Variants in ZFR2 observed in about 807,000 individuals in gnomAD.
The protein encoded by ZFR2 is zinc finger RNA binding protein 2, also known as zinc finger RNA-binding protein 2.
ZFR2 carries 104 observed loss-of-function variants against 105.7 expected under a neutral mutation model. The observed-to-expected ratio is 0.98, with a 90% CI of 0.84 to 1.16. The LOEUF is 1.16. Ranked by LOEUF, ZFR2 falls within the 50% of genes most tolerant of loss-of-function variation. The probability of loss-of-function intolerance (pLI) is 0.00; values close to 1 mark genes in which losing one functional copy is unlikely to be tolerated. For missense variants in ZFR2, 1,425 were observed against 1,355.5 expected (o/e 1.05, Z -0.80); for synonymous variants, 634 against 597.7 (o/e 1.06, Z -0.89).
intron 1 of ZFR2, among the ~76,000 whole-genome samples, chr19:3,865,485 G>A (rs1394522549): frequency 1.3e-5 from 2 of 151,710 alleles, no homozygotes; most frequent in African/African-American, 4.8e-5. Context: ...AAGCAGCTGG[G>A]GACTATAGGT....
chr19:3,817,533 T>G (rs963174167), intron 12 of ZFR2, among the ~76,000 whole-genome samples: 2 of 149,452 alleles, frequency 1.3e-5, no homozygotes, highest in African/African-American at 4.9e-5. Flanking sequence ...AACTCCAGTT[T>G]GGGAGACAGA....
Position 3,833,793 on chromosome 19 carries a change from C to A in ZFR2, c.265-15G>T. 6.4e-7 allele frequency: 1 copy of A among 1,556,672 alleles called. No individual in the cohort carries two copies. The highest frequency in any genetic ancestry group is 8.7e-7 in the Non-Finnish European group (1 of 1,148,824). On this transcript the variant is annotated splice_polypyrimidine_tract_variant and intron_variant, in intron 2 of 18. Coordinates refer to ENST00000262961, the MANE Select transcript of ZFR2 (RefSeq NM_015174.2). ...CTGTAACTGTCCTATGTGGGGGTTT[C>A]GGCAGGAGAGAGACAGAGAACGGAG... is the stretch of plus-strand genomic sequence containing the variant.
At position 3,825,476 on chromosome 19, in the gene ZFR2, G is replaced by A; in HGVS notation, c.1036-69C>T. The A allele has an allele frequency of 2.7e-6, 4 of 1,508,664 alleles. No individual in the cohort carries two copies. The Middle Eastern group carries it at 9.5e-4, about 358-fold the overall frequency. 93.5% of individuals were successfully genotyped at this position (1,508,664 alleles called of 1,614,324 possible). A position where few individuals can be genotyped will look rare whatever the true frequency, so the allele number is the denominator to read the frequency against. On this transcript the variant is annotated intron_variant, in intron 6 of 18. Coordinates refer to ENST00000262961, the MANE Select transcript of ZFR2 (RefSeq NM_015174.2). ...GCCTGATGGCCTTTTTCAAGAGGCA[G>A]GAAGGGCCTCCACGGGCGTGCAGCG...
rs2038468871 is a variant in ZFR2 at position 3,869,007 on chromosome 19, C to T, written c.11G>A (p.Ser4Asn). 6 of 1,372,560 alleles carry T rather than the reference C, an allele frequency of 4.4e-6. No individual in the cohort carries two copies. Among genetic ancestry groups the T allele is most frequent in the South Asian group, 1.8e-5 (1 of 56,522 alleles). The allele number at this position is 1,372,560 out of a possible 1,614,324, so 85.0% of individuals were successfully genotyped here. Residue 4 changes from serine (S) to asparagine (N), a missense_variant, in exon 1 of 19, where the codon AGT becomes AAT. Physicochemically the swap from Ser to Asn is conservative, Grantham distance 46. Coordinates refer to ENST00000262961, the MANE Select transcript of ZFR2 (RefSeq NM_015174.2). ...GCCCTGCGCGAAGTCGAAATACTGA[C>T]TCGTCGCCATCTTGGCGTCTTCCCC... MAT[S>N]QYFDFAQGGG...
intron 14 of ZFR2, among the ~76,000 whole-genome samples, chr19:3,812,012 T>G (rs1169303968): frequency 6.6e-6 from 1 of 152,052 alleles, no homozygotes; most frequent in Non-Finnish European, 1.5e-5. Context: ...GGCGCAATCT[T>G]GGCTCACTGC....
chr19:3,831,503 A>G lies in ZFR2; in HGVS notation c.652T>C (p.Tyr218His). The change falls in exon 5 of 19, where the codon TAT (tyrosine) becomes CAT (histidine). Residue 218 changes from tyrosine (Y) to histidine (H), a missense_variant. Tyr to His is a moderately conservative substitution (Grantham distance 83, BLOSUM62 2). Coordinates refer to ENST00000262961, the MANE Select transcript of ZFR2 (RefSeq NM_015174.2). Reference sequence around the variant, plus strand: ...GGAGGCGGGGGCTGCGCTGGAGGATAGAAAGGGCTGGCAGCGGAGTACACC... The same window carrying G: ...GGAGGCGGGGGCTGCGCTGGAGGATGGAAAGGGCTGGCAGCGGAGTACACC... The part of the protein sequence containing the change: ...ASVYSAASPF[Y>H]PPAQPPPPPG... The G allele has an allele frequency of 6.4e-7, 1 of 1,554,330 alleles. No homozygotes were observed. Among genetic ancestry groups the G allele is most frequent in the Non-Finnish European group, 8.7e-7 (1 of 1,149,422 alleles).
intron 9 of ZFR2, 23 bp from the exon 10 acceptor site, chr19:3,821,502 T>C: frequency 1.9e-6 from 3 of 1,574,436 alleles, no homozygotes; most frequent in Middle Eastern, 3.4e-4. Flanking sequence ...GGCAAGGCTC[T>C]GAGAGTAGGG....
intron 1 of ZFR2, among the ~76,000 whole-genome samples, chr19:3,844,661 G>A (rs1339682753): frequency 6.6e-6 from 1 of 152,144 alleles, no homozygotes; most frequent in South Asian, 2.1e-4. Flanking sequence ...GAGCCACTGC[G>A]CCTGGCCCAA....
chr19:3,830,460 G>A (rs761692661), intron 5 of ZFR2, among the ~76,000 whole-genome samples: 3 of 152,032 alleles, frequency 2.0e-5, no homozygotes, highest in Non-Finnish European at 2.9e-5. Context: ...ACTTCTATGC[G>A]AGCACTCTGC....
intron 12 of ZFR2, 129 bp downstream of exon 12, chr19:3,818,916 G>C: frequency 8.2e-7 from 1 of 1,216,500 alleles, no homozygotes; most frequent in South Asian, 1.6e-5. Flanking sequence ...CCTGGGGCTG[G>C]AAAGCTGCCG....
chr19:3,836,376 G>A (rs1242777974), intron 1 of ZFR2, among the ~76,000 whole-genome samples: 1 of 152,154 alleles, frequency 6.6e-6, no homozygotes, highest in Non-Finnish European at 1.5e-5. Context: ...CCAGGTTGAA[G>A]TTCAGTGCTA....
chr19:3,862,030 C>T (rs1329368726), intron 1 of ZFR2, among the ~76,000 whole-genome samples: 1 of 152,156 alleles, frequency 6.6e-6, no homozygotes, highest in African/African-American at 2.4e-5. Flanking sequence ...TTTATCTGAT[C>T]AGGGCCTTTG....
chr19:3,815,817 T>C (rs949718316), intron 13 of ZFR2, among the ~76,000 whole-genome samples: 1 of 151,122 alleles, frequency 6.6e-6, no homozygotes, highest in Non-Finnish European at 1.5e-5. Flanking sequence ...AGTGGCGCGA[T>C]CTCGGCTCAC....
intron 8 of ZFR2, among the ~76,000 whole-genome samples, chr19:3,822,975 C>T (rs774919537): frequency 7.2e-5 from 11 of 152,238 alleles, no homozygotes; most frequent in South Asian, 2.1e-4. Flanking sequence ...TCCAGACAGA[C>T]GGCTCCGCAG....
At chr19:3,843,706 G>A (rs2038156732) in intron 1 of ZFR2, among the ~76,000 whole-genome samples, 1 of 151,656 alleles carries the variant, frequency 6.6e-6, no homozygotes, top group African/African-American at 2.4e-5. Flanking sequence ...GTGGTGGCGG[G>A]CGCCTGTAGT....
chr19:3,808,953 T>C lies in ZFR2; in HGVS notation c.2464A>G (p.Ser822Gly). ...GGGCCCAGGGGCCCAGCCGCACTGC[T>C]CACAGCCTTCTCCACCAGCAGCTCC... ...AMELLVEKAV[S>G]SAAGPLGPGD... Residue 822 changes from serine to glycine, a missense_variant, in exon 17 of 19, where the codon AGC (serine) becomes GGC (glycine). Ser to Gly is a moderately conservative substitution (Grantham distance 56). Coordinates refer to ENST00000262961, the MANE Select transcript of ZFR2 (RefSeq NM_015174.2). 6.4e-7 allele frequency: 1 copy of C among 1,569,664 alleles called. No homozygotes were observed. Among genetic ancestry groups the C allele is most frequent in the Non-Finnish European group, 8.6e-7 (1 of 1,159,872 alleles).
rs771624634 is a variant in ZFR2 at position 3,831,304 on chromosome 19, T to C, written c.851A>G (p.Gln284Arg). 1 of 1,529,810 alleles carries C rather than the reference T, an allele frequency of 6.5e-7. No homozygotes were observed. The highest frequency in any genetic ancestry group is 8.8e-7 in the Non-Finnish European group (1 of 1,137,686). The allele number at this position is 1,529,810 out of a possible 1,614,324, so 94.8% of individuals were successfully genotyped here. A position where few individuals can be genotyped will look rare whatever the true frequency, so the allele number is the denominator to read the frequency against. The stretch of plus-strand genomic sequence containing the variant: ...GCCCATGGCAGGAGGGCGACTGACC[T>C]GGGGGCCAGCGCAGCTGATCTTGCA... ...DICKISCAGPQTYREHLGGQK... is the reference protein window; with the variant it reads ...DICKISCAGPRTYREHLGGQK... The change falls in exon 5 of 19, where the codon CAG (glutamine) becomes CGG (arginine). Residue 284 changes from glutamine to arginine, a missense_variant and splice_region_variant. Physicochemically the swap from Gln to Arg is conservative, Grantham distance 43. Coordinates refer to ENST00000262961, the MANE Select transcript of ZFR2 (RefSeq NM_015174.2).
At position 3,823,276 on chromosome 19, in the gene ZFR2, C is replaced by A. The variant is rs371065673; in HGVS notation, c.1341G>T (p.Ala447=). 6.2e-7 allele frequency: 1 copy of A among 1,613,988 alleles called. No individual in the cohort carries two copies. The highest frequency in any genetic ancestry group is 2.2e-5 in the East Asian group (1 of 44,872). ...CCACATATTCCGGGCCCACCGGCTGCGCATCAGAGCAGCCCGCGGGAGCTT... is the reference window on the plus strand; with the variant it reads ...CCACATATTCCGGGCCCACCGGCTGAGCATCAGAGCAGCCCGCGGGAGCTT... The part of the protein sequence containing the change: ...SKEAPAGCSD[A]QPVGPEYVEE... The change falls in exon 8 of 19, where the codon GCG becomes GCT. Residue 447 remains alanine (A), a synonymous_variant. Transcript: ENST00000262961. The surrounding 1 kb of genome is among the most constrained non-coding windows in gnomAD (Gnocchi z 5.4).
chr19:3,850,485 C>A (rs1262655843), intron 1 of ZFR2, among the ~76,000 whole-genome samples: 1 of 151,982 alleles, frequency 6.6e-6, no homozygotes, highest in African/African-American at 2.4e-5. Flanking sequence ...GAAGCCCTAA[C>A]CCCCATGTGA....
Sources: gnomAD v4.1 joint callset for allele counts (sites outside exome capture counted in the v4.1 genomes callset) on GRCh38, gnomAD v4.1.1 for gene constraint, Gnocchi (gnomAD v3.1) non-coding constraint, MANE v1.5 for transcripts, NCBI Gene and HGNC (gene_info 2026-07-23, HGNC 2026-07-21) for gene names.